CHSY3: variants seen among roughly 807,000 people sequenced by gnomAD.
CHSY3 encodes the protein chondroitin sulfate synthase 3.
Under a neutral mutation model 67.2 loss-of-function variants are expected in CHSY3, and 35 were observed. The observed-to-expected ratio is 0.52, with a 90% CI of 0.40 to 0.69. CHSY3 has a LOEUF of 0.69. Ranked by LOEUF, CHSY3 falls within the 30% of genes least tolerant of loss-of-function variation. The pLI is 0.00. For missense variants in CHSY3, 1,069 were observed against 1,138.5 expected, an observed-to-expected ratio of 0.94 and a Z score of 0.88; for synonymous variants, 474 against 434.7, an observed-to-expected ratio of 1.09 and a Z score of -1.12.
At chr5:129,995,244 C>G (rs1372694957) in intron 2 of CHSY3, among the ~76,000 whole-genome samples, 2 of 151,862 alleles carry the variant, frequency 1.3e-5, no homozygotes, top group Non-Finnish European at 2.9e-5. Context: ...TTGTAAAATG[C>G]CTGCTCAAGT....
intron 2 of CHSY3, among the ~76,000 whole-genome samples, chr5:130,136,582 A>G (rs1418078556): frequency 6.6e-6 from 1 of 152,162 alleles, no homozygotes; most frequent in Non-Finnish European, 1.5e-5. Context: ...GGAATAATGG[A>G]AAGAAAATAA....
intron 2 of CHSY3, among the ~76,000 whole-genome samples, chr5:129,996,304 C>T (rs1763535761): frequency 6.6e-6 from 1 of 152,048 alleles, no homozygotes; most frequent in Non-Finnish European, 1.5e-5. Flanking sequence ...CATTGTGGTC[C>T]CTTTAGTGCT....
At chr5:129,992,856 A>T (rs902849155) in intron 2 of CHSY3, among the ~76,000 whole-genome samples, 3 of 152,298 alleles carry the variant, frequency 2.0e-5, no homozygotes, top group African/African-American at 7.2e-5. Flanking sequence ...ATGCCATGTT[A>T]TGTCAAGTTG....
chr5:130,043,474 T>A (rs904075365), intron 2 of CHSY3, among the ~76,000 whole-genome samples: 1 of 152,032 alleles, frequency 6.6e-6, no homozygotes, highest in African/African-American at 2.4e-5. Context: ...AAAGTGGAGG[T>A]TACTTCAGAT....
At position 130,149,587 on chromosome 5, in the gene CHSY3, T is replaced by C. The variant is rs564292277; in HGVS notation, c.1087-34642T>C. Among the ~76,000 whole-genome samples, 70 of 152,258 alleles carry C rather than the reference T, an allele frequency of 4.6e-4. 1 individual carries two copies. The highest frequency in any genetic ancestry group is 1.4e-3 in the African/African-American group (57 of 41,568). ...CTCCCACTAGGCCCCATCTCCAGCA[T>C]TGGGGATTGAAATTCAACATGAGAT... On this transcript the variant is annotated intron_variant, in intron 2 of 2. Transcript: ENST00000305031.
intron 2 of CHSY3, among the ~76,000 whole-genome samples, chr5:129,975,164 C>T (rs1009934285): frequency 4.6e-5 from 7 of 152,020 alleles, no homozygotes; most frequent in South Asian, 2.1e-4. Flanking sequence ...CAACATGGCA[C>T]ATGTATACAT....
intron 2 of CHSY3, among the ~76,000 whole-genome samples, chr5:130,085,660 T>A (rs1289801744): frequency 6.6e-6 from 1 of 151,836 alleles, no homozygotes; most frequent in Non-Finnish European, 1.5e-5. Flanking sequence ...AGCTTTTGAA[T>A]GTGTTTGCTC....
intron 2 of CHSY3, among the ~76,000 whole-genome samples, chr5:129,927,243 C>T (rs777078684): frequency 2.6e-5 from 4 of 151,620 alleles, no homozygotes; most frequent in African/African-American, 9.7e-5. Context: ...TTTTATTTTG[C>T]CTCAATTCAT....
intron 2 of CHSY3, among the ~76,000 whole-genome samples, chr5:129,964,619 T>C (rs1762422673): frequency 6.6e-6 from 1 of 151,786 alleles, no homozygotes; most frequent in Non-Finnish European, 1.5e-5. Context: ...TAACAGCCAC[T>C]CTTTAACAGT....
At chr5:129,921,122 T>C (rs1214259124) in intron 2 of CHSY3, among the ~76,000 whole-genome samples, 1 of 152,108 alleles carries the variant, frequency 6.6e-6, no homozygotes, top group Non-Finnish European at 1.5e-5. Context: ...GCATAGCCGA[T>C]TTTTTTTCTT....
intron 2 of CHSY3, among the ~76,000 whole-genome samples, chr5:130,096,542 G>A (rs192889096): frequency 3.3e-5 from 5 of 152,236 alleles, no homozygotes; most frequent in East Asian, 3.9e-4. Context: ...TTAACAGAGG[G>A]GAAGCTGTGA....
intron 2 of CHSY3, among the ~76,000 whole-genome samples, chr5:130,025,652 A>T (rs1380603163): frequency 6.6e-6 from 1 of 151,492 alleles, no homozygotes; most frequent in South Asian, 2.1e-4. Context: ...GTGTCTGTTG[A>T]AGGCCTGGTT....
At chr5:130,131,466 A>T in intron 2 of CHSY3, among the ~76,000 whole-genome samples, 1 of 152,146 alleles carries the variant, frequency 6.6e-6, no homozygotes, top group Non-Finnish European at 1.5e-5. Context: ...TTTTCACTTA[A>T]ACTTAGCATT....
At chr5:130,131,759 C>T (rs576395636) in intron 2 of CHSY3, among the ~76,000 whole-genome samples, 2 of 152,214 alleles carry the variant, frequency 1.3e-5, no homozygotes, top group South Asian at 4.2e-4. Flanking sequence ...TCATGATATC[C>T]ACTAGAATGT....
intron 2 of CHSY3, among the ~76,000 whole-genome samples, chr5:129,977,666 C>T (rs1416986232): frequency 6.6e-6 from 1 of 151,886 alleles, no homozygotes; most frequent in Non-Finnish European, 1.5e-5. Context: ...ATTAAATAGT[C>T]TTTTATTTAG....
At position 129,931,290 on chromosome 5, in the gene CHSY3, G is replaced by A. The variant is rs984952308; in HGVS notation, c.1086+22930G>A. Among the ~76,000 whole-genome samples, 44 of 152,006 alleles carry A rather than the reference G, an allele frequency of 2.9e-4. 1 individual carries two copies. The highest frequency in any genetic ancestry group is 9.4e-4 in the African/African-American group (39 of 41,408). On this transcript the variant is annotated intron_variant, in intron 2 of 2. Transcript: ENST00000305031. ...ATTGGAAGGGCTGATTTCTTCCAGC[G>A]TAGCTCTAAATGCGAGCCTATTAAA... is the stretch of plus-strand genomic sequence containing the variant.
At chr5:129,914,390 G>A (rs950894822) in intron 2 of CHSY3, among the ~76,000 whole-genome samples, 1 of 152,210 alleles carries the variant, frequency 6.6e-6, no homozygotes, top group Non-Finnish European at 1.5e-5. Flanking sequence ...TGGGATTACA[G>A]GCGTAAGCCA....
intron 2 of CHSY3, among the ~76,000 whole-genome samples, chr5:130,138,559 G>A (rs1031365241): frequency 6.6e-6 from 1 of 152,330 alleles, no homozygotes; most frequent in South Asian, 2.1e-4. Context: ...GATACTAAAA[G>A]AATGGCAGAC....
intron 2 of CHSY3, among the ~76,000 whole-genome samples, chr5:130,000,281 AT>A (rs1763682128): frequency 1.3e-5 from 2 of 152,236 alleles, no homozygotes; most frequent in South Asian, 2.1e-4. Context: ...CACTATAAAA[AT>A]AACACTTTGT....
Sources: gnomAD v4.1 joint callset for allele counts (sites outside exome capture counted in the v4.1 genomes callset) on GRCh38, gnomAD v4.1.1 for gene constraint, MANE v1.5 for transcripts, NCBI Gene and HGNC (gene_info 2026-07-23, HGNC 2026-07-21) for gene names.